ATP10D: variants seen among roughly 807,000 people sequenced by gnomAD.
The protein encoded by ATP10D is phospholipid-transporting ATPase VD.
A neutral mutation model predicts 144.8 loss-of-function variants in ATP10D; 89 were observed. That is an observed-to-expected ratio of 0.61 (90% CI 0.52 to 0.73). The LOEUF is 0.73. Ranked by LOEUF, ATP10D falls within the 30% of genes least tolerant of loss-of-function variation. The pLI, the probability that ATP10D is intolerant of heterozygous loss-of-function variation, is 0.00. For missense variants in ATP10D, 1,603 were observed against 1,714.8 expected (o/e 0.93, Z 1.15); for synonymous variants, 571 against 615.1 (o/e 0.93, Z 1.06).
chr4:47,561,428 C>T (rs13122990), intron 14 of ATP10D, among the ~76,000 whole-genome samples: 37,772 of 152,026 alleles, frequency 0.25, 4,718 homozygotes, highest in Admixed American at 0.31. Context: ...GTGCTTAATA[C>T]GTGTTATCTT....
At chr4:47,588,900 A>G (rs1236316731) in intron 22 of ATP10D, among the ~76,000 whole-genome samples, 6 of 152,170 alleles carry the variant, frequency 3.9e-5, no homozygotes, top group African/African-American at 1.4e-4. Flanking sequence ...ATGACTCCCT[A>G]AAAGATTTCC....
At chr4:47,585,781 A>C (rs1327037299) in intron 21 of ATP10D, among the ~76,000 whole-genome samples, 1 of 152,180 alleles carries the variant, frequency 6.6e-6, no homozygotes, top group Non-Finnish European at 1.5e-5. Flanking sequence ...TTCATTTAAC[A>C]TAATGACCTC....
chr4:47,511,639 G>A (rs374960893), intron 1 of ATP10D, among the ~76,000 whole-genome samples: 9 of 152,274 alleles, frequency 5.9e-5, no homozygotes, highest in African/African-American at 1.9e-4. Context: ...ATTTTGTTTT[G>A]TAGCAAAGCA....
Position 47,576,768 on chromosome 4 carries a change from T to G in ATP10D, c.3367-5T>G, listed in dbSNP as rs1720263461. 6.2e-7 allele frequency: 1 copy of G among 1,612,544 alleles called. No homozygotes were observed. The highest frequency in any genetic ancestry group is 1.7e-5 in the Admixed American group (1 of 60,000). ...AGATCTGAATGTCCTTCTTTGTGTC[T>G]CTAGGCCTATGTGAACCTCCTTTTC... On this transcript the variant is annotated splice_region_variant and splice_polypyrimidine_tract_variant and intron_variant, in intron 18 of 22. Coordinates refer to ENST00000273859, the MANE Select transcript of ATP10D (RefSeq NM_020453.4).
At chr4:47,490,053 T>A (rs10938487) in intron 1 of ATP10D, among the ~76,000 whole-genome samples, 1 of 151,920 alleles carries the variant, frequency 6.6e-6, no homozygotes, top group Non-Finnish European at 1.5e-5. Flanking sequence ...AGAAGGAAAG[T>A]GAAAATCAAT....
At chr4:47,526,279 C>G (rs1484943594) in intron 5 of ATP10D, among the ~76,000 whole-genome samples, 7 of 152,146 alleles carry the variant, frequency 4.6e-5, no homozygotes, top group Admixed American at 1.3e-4. Flanking sequence ...ATGTAATTCA[C>G]CATTCTGGTA....
chr4:47,586,943 T>A, intron 21 of ATP10D, 76 bp from the exon 22 acceptor site: 1 of 1,337,830 alleles, frequency 7.5e-7, no homozygotes, highest in South Asian at 1.3e-5. Flanking sequence ...GTCTCTTTAA[T>A]GGAGCAGATT....
At chr4:47,508,150 C>T (rs543346518) in intron 1 of ATP10D, among the ~76,000 whole-genome samples, 1 of 152,166 alleles carries the variant, frequency 6.6e-6, no homozygotes, top group African/African-American at 2.4e-5. Flanking sequence ...GAATACAGTT[C>T]GTTCATGAAC....
Position 47,568,963 on chromosome 4 carries a change from C to T in ATP10D, c.2980C>T (p.Arg994Ter), listed in dbSNP as rs200863114. The T allele has an allele frequency of 8.7e-6, 14 of 1,614,056 alleles. No homozygotes were observed. Among genetic ancestry groups the T allele is most frequent in the Admixed American group, 1.7e-5 (1 of 60,010 alleles). ...QPPVPRDSGL[R>*]AGLIITGKTL... is the part of the protein sequence containing the mutation. Reference sequence around the variant, plus strand: ...TCCTGTCCCCCGGGACTCAGGGTTACGAGCTGGACTCATTATCACTGGGAA... The same window carrying T: ...TCCTGTCCCCCGGGACTCAGGGTTATGAGCTGGACTCATTATCACTGGGAA... Residue 994 changes from arginine (R) to a stop codon, truncating the protein, a stop_gained, in exon 16 of 23, where the codon CGA becomes TGA. Transcript: ENST00000273859. LOFTEE classifies it high-confidence loss of function.
intron 10 of ATP10D, 195 bp downstream of exon 10, chr4:47,547,057 T>A: frequency 3.4e-6 from 2 of 580,698 alleles, no homozygotes; most frequent in Middle Eastern, 4.5e-4. Flanking sequence ...TTTTAAAAAA[T>A]AACTCAATGT....
In ATP10D at chr4:47,591,329, C is replaced by T; in HGVS notation, c.4229C>T (p.Ser1410Phe). ...GAAACTGCTTTAGATCAAGGCTACTCTGAAACTAAGGCCTTTGAGATGGCT... is the reference window on the plus strand; with the variant it reads ...GAAACTGCTTTAGATCAAGGCTACTTTGAAACTAAGGCCTTTGAGATGGCT... ...LCETALDQGY[S>F]ETKAFEMAGP... Residue 1410 changes from serine to phenylalanine, a missense_variant, in exon 23 of 23, where the codon TCT (serine) becomes TTT (phenylalanine). By Grantham distance (155) the Ser-to-Phe change is radical. Transcript: ENST00000273859. The T allele has an allele frequency of 6.2e-7, 1 of 1,613,112 alleles. No homozygotes were observed. The highest frequency in any genetic ancestry group is 1.3e-5 in the African/African-American group (1 of 74,982).
chr4:47,582,356 C>A (rs936970280), intron 21 of ATP10D, among the ~76,000 whole-genome samples: 2 of 152,142 alleles, frequency 1.3e-5, no homozygotes, highest in Non-Finnish European at 2.9e-5. Context: ...TCTTCAAGAC[C>A]AAGCTGATTA....
chr4:47,516,296 A>T (rs1716685641), intron 3 of ATP10D, among the ~76,000 whole-genome samples: 1 of 151,898 alleles, frequency 6.6e-6, no homozygotes, highest in Admixed American at 6.6e-5. Context: ...ACAAAACTAG[A>T]GCATCCCATC....
chr4:47,534,638 G>A (rs981462469), intron 5 of ATP10D, among the ~76,000 whole-genome samples: 20 of 152,100 alleles, frequency 1.3e-4, no homozygotes, highest in African/African-American at 2.2e-4. Flanking sequence ...AGCAGCCATC[G>A]CTTATCATTG....
At chr4:47,522,055 A>G (rs1462555853) in intron 3 of ATP10D, among the ~76,000 whole-genome samples, 2 of 152,238 alleles carry the variant, frequency 1.3e-5, no homozygotes, top group African/African-American at 2.4e-5. Flanking sequence ...TGTCACAAAT[A>G]TTAGTTTTTT....
intron 1 of ATP10D, among the ~76,000 whole-genome samples, chr4:47,509,839 A>G (rs114281331): frequency 9.2e-4 from 140 of 152,212 alleles, no homozygotes; most frequent in Non-Finnish European, 1.5e-3. Context: ...AACTAATTCA[A>G]TGCATCCTAA....
chr4:47,527,407 T>C (rs1474923100), intron 5 of ATP10D, among the ~76,000 whole-genome samples: 1 of 152,112 alleles, frequency 6.6e-6, no homozygotes, highest in Non-Finnish European at 1.5e-5. Context: ...ATTTCTTAGA[T>C]ACAACACCAA....
intron 1 of ATP10D, among the ~76,000 whole-genome samples, chr4:47,504,962 C>T (rs745842120): frequency 1.1e-4 from 17 of 152,160 alleles, no homozygotes; most frequent in Admixed American, 2.0e-4. Flanking sequence ...TGTGTTTTCT[C>T]ATCTTGGTTG....
At position 47,563,734 on chromosome 4, in the gene ATP10D, A is replaced by G; in HGVS notation, c.2822A>G (p.Asp941Gly). 1 of 1,610,898 alleles carries G rather than the reference A, an allele frequency of 6.2e-7. No individual in the cohort carries two copies. Among genetic ancestry groups the G allele is most frequent in the Non-Finnish European group, 8.5e-7 (1 of 1,178,908 alleles). The change falls in exon 15 of 23, where the codon GAC (aspartate) becomes GGC (glycine). Residue 941 changes from aspartate to glycine, a missense_variant. Asp to Gly is a moderately conservative substitution (Grantham distance 94). Transcript: ENST00000273859. Reference protein sequence around the residue: ...AYACKLLEPDDKLFILNTQSK... With the variant: ...AYACKLLEPDGKLFILNTQSK... The stretch of plus-strand genomic sequence containing the variant: ...GCATGCAAACTACTGGAGCCAGATG[A>G]CAAGCTTTTTATCCTCAATACCCAA...
Sources: allele counts gnomAD v4.1 joint callset (sites outside exome capture counted in the v4.1 genomes callset), GRCh38; gene constraint gnomAD v4.1.1; transcripts MANE v1.5; gene names NCBI Gene and HGNC (gene_info 2026-07-23, HGNC 2026-07-21).